MARCHF10: variants seen among roughly 807,000 people sequenced by gnomAD.
MARCHF10 encodes probable E3 ubiquitin-protein ligase MARCHF10.
A neutral mutation model predicts 76.2 loss-of-function variants in MARCHF10; 64 were observed. The observed-to-expected ratio is 0.84, with a 90% CI of 0.69 to 1.03. MARCHF10 has a LOEUF of 1.03. Ranked by LOEUF, MARCHF10 falls within the 50% of genes least tolerant of loss-of-function variation. The pLI is 0.00. For synonymous variants in MARCHF10, 340 were observed against 357.5 expected (o/e 0.95, Z 0.55); for missense variants, 875 against 958.0 (o/e 0.91, Z 1.14).
At chr17:62,769,064 C>T (rs1284462854) in intron 3 of MARCHF10, among the ~76,000 whole-genome samples, 2 of 152,192 alleles carry the variant, frequency 1.3e-5, no homozygotes, top group East Asian at 3.8e-4. Flanking sequence ...TTGATTGCTC[C>T]TCATAATAAA....
At chr17:62,782,501 C>T (rs1053025950) in intron 3 of MARCHF10, among the ~76,000 whole-genome samples, 4 of 151,920 alleles carry the variant, frequency 2.6e-5, no homozygotes, top group African/African-American at 9.7e-5. Context: ...GCGCATGCCA[C>T]CACGCCCAGT....
chr17:62,801,120 T>G (rs930807021), intron 2 of MARCHF10, among the ~76,000 whole-genome samples: 1 of 152,122 alleles, frequency 6.6e-6, no homozygotes, highest in South Asian at 2.1e-4. Flanking sequence ...ATGATAATAC[T>G]AGAAGTGGAT....
At chr17:62,730,059 G>A (rs569583452) in intron 6 of MARCHF10, among the ~76,000 whole-genome samples, 1 of 152,324 alleles carries the variant, frequency 6.6e-6, no homozygotes, top group South Asian at 2.1e-4. Flanking sequence ...GCGCCTGCCT[G>A]TAATCCCAGC....
Position 62,759,822 on chromosome 17 carries a change from G to A in MARCHF10, c.382+13C>T, listed in dbSNP as rs1599254128. 6.2e-7 allele frequency: 1 copy of A among 1,609,764 alleles called. No homozygotes were observed. The highest frequency in any genetic ancestry group is 8.5e-7 in the Non-Finnish European group (1 of 1,178,088). The stretch of plus-strand genomic sequence containing the variant: ...TTTTAGATCTGATGAATTTCAATAA[G>A]CCAGCCACTCACCTGGAGAGGGTTC... On this transcript the variant is annotated intron_variant, in intron 4 of 10. Coordinates refer to ENST00000311269, the MANE Select transcript of MARCHF10 (RefSeq NM_152598.4).
chr17:62,793,398 CTCCA>C (rs1477571085), intron 2 of MARCHF10, among the ~76,000 whole-genome samples: 29 of 146,022 alleles, frequency 2.0e-4, no homozygotes, highest in Non-Finnish European at 7.5e-5. Context: ...CCACCACGAC[CTCCA>C]TCACCACCAC....
intron 3 of MARCHF10, among the ~76,000 whole-genome samples, chr17:62,786,517 T>C (rs1236744194): frequency 6.6e-6 from 1 of 152,166 alleles, no homozygotes; most frequent in Non-Finnish European, 1.5e-5. Flanking sequence ...TGTACCCTAG[T>C]ACTTAAAGTA....
intron 4 of MARCHF10, among the ~76,000 whole-genome samples, chr17:62,751,795 C>A (rs1390810849): frequency 6.6e-6 from 1 of 152,038 alleles, no homozygotes; most frequent in South Asian, 2.1e-4. Context: ...CCGAAGCAGG[C>A]GGATTACTTG....
At chr17:62,720,869 T>A in intron 8 of MARCHF10, among the ~76,000 whole-genome samples, 1 of 144,524 alleles carries the variant, frequency 6.9e-6, no homozygotes, top group South Asian at 2.3e-4. Flanking sequence ...GATTTTTTTT[T>A]TTTTTTTTTT....
At chr17:62,741,729 C>G (rs1170903571) in intron 5 of MARCHF10, among the ~76,000 whole-genome samples, 3 of 152,146 alleles carry the variant, frequency 2.0e-5, no homozygotes, top group Non-Finnish European at 4.4e-5. Context: ...CAGAGTCTCA[C>G]TCTGTCACCC....
intron 3 of MARCHF10, among the ~76,000 whole-genome samples, chr17:62,774,486 C>T (rs967641144): frequency 2.0e-5 from 3 of 152,124 alleles, no homozygotes; most frequent in African/African-American, 7.2e-5. Context: ...CCACCAGAGC[C>T]TGGTGGGCAG....
At chr17:62,714,999 G>A (rs1307114509) in intron 8 of MARCHF10, among the ~76,000 whole-genome samples, 1 of 152,110 alleles carries the variant, frequency 6.6e-6, no homozygotes, top group Non-Finnish European at 1.5e-5. Flanking sequence ...CACCCACCTC[G>A]GCCTTTCAAA....
intron 3 of MARCHF10, among the ~76,000 whole-genome samples, chr17:62,764,018 T>C (rs541834354): frequency 6.6e-6 from 1 of 152,168 alleles, no homozygotes; most frequent in South Asian, 2.1e-4. Flanking sequence ...TAAGTAGCAT[T>C]GGGCAGTGAG....
At chr17:62,759,730 C>T (rs1476240305) in intron 4 of MARCHF10, 105 bp downstream of exon 4, 2 of 1,212,270 alleles carry the variant, frequency 1.6e-6, no homozygotes, top group Non-Finnish European at 1.2e-6. Context: ...CTCAGCCTCT[C>T]AAAGTGCTGG....
chr17:62,801,719 C>A lies in MARCHF10; in HGVS notation c.17G>T (p.Arg6Met). MLHDA[R>M]DRQKFFSDVQ... The stretch of plus-strand genomic sequence containing the variant: ...ATCGCTGAAGAACTTCTGCCTGTCC[C>A]TTGCGTCATGCAACATGATTCCTAA... Residue 6 changes from arginine to methionine, a missense_variant, in exon 2 of 11, where the codon AGG becomes ATG. Physicochemically the swap from Arg to Met is moderately conservative, Grantham distance 91. Coordinates refer to ENST00000311269, the MANE Select transcript of MARCHF10 (RefSeq NM_152598.4). 1 of 1,614,122 alleles carries A rather than the reference C, an allele frequency of 6.2e-7. No individual in the cohort carries two copies. The highest frequency in any genetic ancestry group is 8.5e-7 in the Non-Finnish European group (1 of 1,179,998).
At chr17:62,761,802 C>T in intron 3 of MARCHF10, among the ~76,000 whole-genome samples, 1 of 152,176 alleles carries the variant, frequency 6.6e-6, no homozygotes, top group Non-Finnish European at 1.5e-5. Context: ...AAGTATGACA[C>T]CTAAGAATGT....
rs766719278 is a variant in MARCHF10, at chr17:62,705,600, TGA to T, written c.2329-21_2329-20del. On this transcript the variant is annotated intron_variant, in intron 9 of 10. Transcript: ENST00000311269. ...TTGACAACTACAAGAAAGAAGACAA[TGA>T]GAAATGAATTGTTTTTTCCAATACG... The T allele has an allele frequency of 3.5e-5, 57 of 1,613,136 alleles. No individual in the cohort carries two copies. Among genetic ancestry groups the T allele is most frequent in the Admixed American group, 5.0e-5 (3 of 59,616 alleles).
In MARCHF10 at chr17:62,701,605, A is replaced by G; in HGVS notation, c.*98T>C. ...ATCTAACTGTGAACGCTTTGGTTTC[A>G]GTTTCAGTAAAGAGGAGGAGGGAGG... is the stretch of plus-strand genomic sequence containing the variant. On this transcript the variant is annotated 3_prime_UTR_variant, in exon 11 of 11. Transcript: ENST00000311269. 6.2e-7 allele frequency: 1 copy of G among 1,603,806 alleles called. No individual in the cohort carries two copies. The highest frequency in any genetic ancestry group is 1.3e-5 in the African/African-American group (1 of 74,842).
intron 8 of MARCHF10, among the ~76,000 whole-genome samples, chr17:62,717,277 C>T (rs1052265765): frequency 2.0e-5 from 3 of 152,224 alleles, no homozygotes; most frequent in Admixed American, 6.5e-5. Context: ...AGACAGCAGC[C>T]GCCCATGCTA....
At chr17:62,759,749 G>A in intron 4 of MARCHF10, 86 bp downstream of exon 4, 4 of 1,396,884 alleles carry the variant, frequency 2.9e-6, no homozygotes, top group Non-Finnish European at 3.9e-6. Context: ...GGGATTACAG[G>A]CGTGAGCCAC....
Sources: allele counts gnomAD v4.1 joint callset (sites outside exome capture counted in the v4.1 genomes callset), GRCh38; gene constraint gnomAD v4.1.1; transcripts MANE v1.5; gene names NCBI Gene and HGNC (gene_info 2026-07-23, HGNC 2026-07-21).